GPC5: variants seen among roughly 807,000 people sequenced by gnomAD.
The protein encoded by GPC5 is glypican 5.
A neutral mutation model predicts 53.9 loss-of-function variants in GPC5; 47 were observed. The observed-to-expected ratio is 0.87, with a 90% CI of 0.69 to 1.11. The LOEUF is 1.11. GPC5 is among the 50% of genes most tolerant of loss of function. GPC5 has a pLI of 0.00. For synonymous variants in GPC5, 286 were observed against 263.3 expected (o/e 1.09, Z -0.84); for missense variants, 748 against 713.1 (o/e 1.05, Z -0.56).
At chr13:91,728,045 A>G (rs1159223319) in intron 3 of GPC5, among the ~76,000 whole-genome samples, 2 of 152,180 alleles carry the variant, frequency 1.3e-5, no homozygotes, top group Non-Finnish European at 2.9e-5. Flanking sequence ...AGATCTTCAT[A>G]TTAAAAATAT....
chr13:92,461,715 T>C (rs1464762585), intron 7 of GPC5, among the ~76,000 whole-genome samples: 2 of 152,190 alleles, frequency 1.3e-5, no homozygotes, highest in Non-Finnish European at 2.9e-5. Flanking sequence ...TTCCACTTCA[T>C]GAGCACACAA....
chr13:91,868,471 A>C (rs1295203632), intron 5 of GPC5, among the ~76,000 whole-genome samples: 1 of 152,182 alleles, frequency 6.6e-6, no homozygotes, highest in African/African-American at 2.4e-5. Flanking sequence ...CTGGGAAGTC[A>C]AGATAGGAGG....
intron 2 of GPC5, among the ~76,000 whole-genome samples, chr13:91,474,518 T>C (rs653774): frequency 0.49 from 74,880 of 151,850 alleles, 19,660 homozygotes; most frequent in Non-Finnish European, 0.6. Context: ...TTTCCACATC[T>C]ACCTTTGAGA....
At chr13:91,999,780 C>A (rs1284596079) in intron 6 of GPC5, among the ~76,000 whole-genome samples, 1 of 152,018 alleles carries the variant, frequency 6.6e-6, no homozygotes, top group African/African-American at 2.4e-5. Context: ...AATGAAAATC[C>A]TAGAACCAAA....
rs1566400471 is a variant in GPC5 at position 92,751,302 on chromosome 13, T to TAA, written c.1562-114980_1562-114979insAA. Among the ~76,000 whole-genome samples, 321 of 34,350 alleles carry TAA rather than the reference T, an allele frequency of 9.3e-3. 11 individuals carry two copies. The highest frequency in any genetic ancestry group is 0.023 in the Middle Eastern group (1 of 44). 22.5% of individuals were successfully genotyped at this position (34,350 alleles called of 152,430 possible). ...AAAACCTTTGGTCATCCAGAAACAT[T>TAA]TAAAAAAAAAAAAAAAAAAAAAAAA... On this transcript the variant is annotated intron_variant, in intron 7 of 7. Coordinates refer to ENST00000377067, the MANE Select transcript of GPC5 (RefSeq NM_004466.6).
chr13:91,466,991 A>ACC (rs757101128), intron 2 of GPC5, among the ~76,000 whole-genome samples: 7 of 152,136 alleles, frequency 4.6e-5, no homozygotes, highest in Non-Finnish European at 1.0e-4. Flanking sequence ...GGTTAATTGA[A>ACC]ATGCATCCAA....
chr13:91,798,691 G>C (rs535370085), intron 5 of GPC5, among the ~76,000 whole-genome samples: 2 of 151,906 alleles, frequency 1.3e-5, no homozygotes, highest in Admixed American at 1.3e-4. Flanking sequence ...ATTCCTTTAC[G>C]TATATATCCA....
chr13:91,543,131 C>G (rs1266201475), intron 2 of GPC5, among the ~76,000 whole-genome samples: 4 of 152,000 alleles, frequency 2.6e-5, no homozygotes, highest in African/African-American at 9.7e-5. Context: ...GCTGGGATTA[C>G]AGGCGTGAGC....
At chr13:91,689,293 C>G (rs2035703556) in intron 2 of GPC5, among the ~76,000 whole-genome samples, 1 of 139,288 alleles carries the variant, frequency 7.2e-6, no homozygotes, top group Non-Finnish European at 1.5e-5. Context: ...GGGCACATAG[C>G]ATGAGTGGAG....
At chr13:92,375,051 C>A (rs967375208) in intron 7 of GPC5, among the ~76,000 whole-genome samples, 1 of 152,090 alleles carries the variant, frequency 6.6e-6, no homozygotes, top group African/African-American at 2.4e-5. Context: ...CTGCCTGTAG[C>A]AGGCCAATGC....
intron 2 of GPC5, among the ~76,000 whole-genome samples, chr13:91,527,161 A>C (rs1305674580): frequency 6.6e-6 from 1 of 152,194 alleles, no homozygotes; most frequent in East Asian, 1.9e-4. Flanking sequence ...ATTAACTCAG[A>C]AGTCCAAGTC....
intron 7 of GPC5, among the ~76,000 whole-genome samples, chr13:92,421,417 T>A (rs1237239185): frequency 2.0e-5 from 3 of 152,058 alleles, no homozygotes; most frequent in African/African-American, 7.2e-5. Flanking sequence ...AAAAGAGGTT[T>A]GGCCGGGCGC....
chr13:91,951,368 A>G (rs1329291347), intron 6 of GPC5, among the ~76,000 whole-genome samples: 1 of 152,154 alleles, frequency 6.6e-6, no homozygotes, highest in African/African-American at 2.4e-5. Context: ...TATATGTATT[A>G]TGTATATACA....
At chr13:92,069,395 A>T (rs1241625005) in intron 6 of GPC5, among the ~76,000 whole-genome samples, 1 of 142,062 alleles carries the variant, frequency 7.0e-6, no homozygotes. Flanking sequence ...TTATTATCAT[A>T]ATGTGTGCGT....
At chr13:92,477,916 C>T (rs1335794351) in intron 7 of GPC5, among the ~76,000 whole-genome samples, 2 of 152,070 alleles carry the variant, frequency 1.3e-5, no homozygotes, top group Admixed American at 6.6e-5. Flanking sequence ...ATTCAATGTA[C>T]CTGGCACTTT....
intron 7 of GPC5, among the ~76,000 whole-genome samples, chr13:92,423,306 T>A (rs926014477): frequency 6.6e-6 from 1 of 152,338 alleles, no homozygotes; most frequent in Admixed American, 6.5e-5. Context: ...TAATTCAGAA[T>A]AAGAAAATAT....
At chr13:92,200,315 C>T (rs1169427515) in intron 7 of GPC5, among the ~76,000 whole-genome samples, 2 of 152,202 alleles carry the variant, frequency 1.3e-5, no homozygotes, top group East Asian at 3.9e-4. Flanking sequence ...GACTAAGTGA[C>T]ATTTGCTGTC....
intron 7 of GPC5, among the ~76,000 whole-genome samples, chr13:92,814,198 A>G (rs1282923829): frequency 6.6e-6 from 1 of 152,014 alleles, no homozygotes; most frequent in Non-Finnish European, 1.5e-5. Context: ...ACCTTGAATT[A>G]TGGGCAAAAA....
intron 6 of GPC5, among the ~76,000 whole-genome samples, chr13:91,959,073 C>T (rs866402590): frequency 0.032 from 4,266 of 135,156 alleles, 79 homozygotes; most frequent in Middle Eastern, 0.056. Flanking sequence ...CACACACACA[C>T]ACACACACAC....
Sources: allele counts gnomAD v4.1 joint callset (sites outside exome capture counted in the v4.1 genomes callset), GRCh38; gene constraint gnomAD v4.1.1; transcripts MANE v1.5; gene names NCBI Gene and HGNC (gene_info 2026-07-23, HGNC 2026-07-21).